Variants in MMP26 observed in about 807,000 individuals in gnomAD.
The protein encoded by MMP26 is matrix metalloproteinase-26.
In MMP26, 33 loss-of-function variants were observed where a neutral mutation model predicts 31.0. The ratio of observed to expected loss-of-function variants is 1.06; its 90% CI spans 0.81 to 1.42. The LOEUF is 1.42. Among genes scored for constraint, MMP26 ranks in the 40% most tolerant of loss-of-function variants. The pLI is 0.00. For missense variants in MMP26, 347 were observed against 316.1 expected, an observed-to-expected ratio of 1.10 and a Z score of -0.74; for synonymous variants, 122 against 114.9, an observed-to-expected ratio of 1.06 and a Z score of -0.40.
intron 2 of MMP26, among the ~76,000 whole-genome samples, chr11:4,956,392 C>T (rs1035015815): frequency 7.2e-5 from 11 of 152,170 alleles, no homozygotes; most frequent in African/African-American, 2.7e-4. Flanking sequence ...TACAGTAAAT[C>T]TACAGAGATA....
intron 2 of MMP26, chr11:4,907,286 C>A: frequency 3.3e-6 from 3 of 914,786 alleles, no homozygotes; most frequent in Non-Finnish European, 5.0e-6. Context: ...CTTATCCTCA[C>A]AAAACTGAGT....
At chr11:4,975,843 T>C (rs1399746156) in intron 2 of MMP26, among the ~76,000 whole-genome samples, 2 of 152,034 alleles carry the variant, frequency 1.3e-5, no homozygotes, top group African/African-American at 2.4e-5. Context: ...GGTATTGTTT[T>C]TGACATACAG....
At chr11:4,857,873 C>T (rs550946761) in intron 2 of MMP26, among the ~76,000 whole-genome samples, 14 of 152,234 alleles carry the variant, frequency 9.2e-5, no homozygotes, top group South Asian at 2.1e-4. Flanking sequence ...AAAGCTTATC[C>T]GCCACGATCA....
At chr11:4,946,937 G>A (rs774746554) in intron 2 of MMP26, 1 of 1,606,162 alleles carries the variant, frequency 6.2e-7, no homozygotes, top group Non-Finnish European at 8.5e-7. Context: ...ATGCAAGGAG[G>A]GCTCTGTCTT....
chr11:4,741,801 A>G (rs1848316099), intron 1 of MMP26, among the ~76,000 whole-genome samples: 1 of 152,164 alleles, frequency 6.6e-6, no homozygotes, highest in South Asian at 2.1e-4. Flanking sequence ...AACAACAACA[A>G]CAAACCAAAA....
At chr11:4,769,303 G>A (rs188896909) in intron 2 of MMP26, 6 of 1,612,948 alleles carry the variant, frequency 3.7e-6, no homozygotes, top group Non-Finnish European at 4.2e-6. Flanking sequence ...TGGTCAGGAT[G>A]AGATCAATTA....
chr11:4,739,458 T>C (rs1848284051), intron 1 of MMP26, among the ~76,000 whole-genome samples: 1 of 152,204 alleles, frequency 6.6e-6, no homozygotes, highest in Non-Finnish European at 1.5e-5. Flanking sequence ...GTGCTTTGAA[T>C]ATTAATGTTT....
chr11:4,957,118 G>T (rs1206273476), intron 2 of MMP26, among the ~76,000 whole-genome samples: 3 of 152,176 alleles, frequency 2.0e-5, no homozygotes, highest in Admixed American at 2.0e-4. Context: ...CACACTGTCA[G>T]GATGGTCAAG....
chr11:4,848,505 A>G, intron 2 of MMP26: 1 of 1,613,526 alleles, frequency 6.2e-7, no homozygotes, highest in Non-Finnish European at 8.5e-7. Context: ...TCTGGACTCC[A>G]CACCTTGCAA....
chr11:4,769,477 A>T (rs1848681643), intron 2 of MMP26: 1 of 1,613,238 alleles, frequency 6.2e-7, no homozygotes, highest in Admixed American at 1.7e-5. Context: ...TCATCAGAAG[A>T]CCCATTTGAA....
intron 2 of MMP26, among the ~76,000 whole-genome samples, chr11:4,960,967 G>T (rs1205593803): frequency 1.3e-5 from 2 of 152,124 alleles, no homozygotes; most frequent in Non-Finnish European, 1.5e-5. Flanking sequence ...ATGTATAAAT[G>T]CATGAAGCTA....
chr11:4,753,785 T>C (rs1732809873), intron 1 of MMP26, among the ~76,000 whole-genome samples: 2 of 152,104 alleles, frequency 1.3e-5, no homozygotes, highest in Admixed American at 1.3e-4. Context: ...TGCCTCATTA[T>C]ATATGTTTAA....
At chr11:4,991,090 C>T (rs774365821) in intron 5 of MMP26, among the ~76,000 whole-genome samples, 9 of 152,158 alleles carry the variant, frequency 5.9e-5, no homozygotes, top group Non-Finnish European at 1.3e-4. Context: ...TCCCTTTTCC[C>T]CTACCATTTT....
intron 2 of MMP26, among the ~76,000 whole-genome samples, chr11:4,828,283 G>C (rs554778555): frequency 6.6e-6 from 1 of 152,074 alleles, no homozygotes. Context: ...TTTTCTGGAA[G>C]TTTACCTCTA....
chr11:4,942,612 A>G (rs1416342880), intron 2 of MMP26, among the ~76,000 whole-genome samples: 1 of 152,016 alleles, frequency 6.6e-6, no homozygotes, highest in Non-Finnish European at 1.5e-5. Flanking sequence ...TTATTGAACT[A>G]TTTTTGCTTT....
chr11:4,958,853 C>G (rs945690225), intron 2 of MMP26, among the ~76,000 whole-genome samples: 13 of 152,174 alleles, frequency 8.5e-5, no homozygotes, highest in African/African-American at 3.1e-4. Context: ...AATAAACATA[C>G]CCACAACAAA....
chr11:4,741,505 G>C (rs557732243), intron 1 of MMP26, among the ~76,000 whole-genome samples: 45 of 152,218 alleles, frequency 3.0e-4, no homozygotes, highest in African/African-American at 1.1e-3. Flanking sequence ...GCAGGGACAT[G>C]GATGAAGCTG....
At chr11:4,962,218 A>G (rs1261172060) in intron 2 of MMP26, among the ~76,000 whole-genome samples, 1 of 152,148 alleles carries the variant, frequency 6.6e-6, no homozygotes, top group East Asian at 1.9e-4. Flanking sequence ...AGAATCACAT[A>G]TAAGCAGATA....
chr11:4,914,785 A>T (rs752018855), intron 2 of MMP26: 1 of 1,613,988 alleles, frequency 6.2e-7, no homozygotes, highest in East Asian at 2.2e-5. Flanking sequence ...AGACAATGGG[A>T]TTCATCACAG....
Sources: gnomAD v4.1 joint callset for allele counts (sites outside exome capture counted in the v4.1 genomes callset) on GRCh38, gnomAD v4.1.1 for gene constraint, MANE v1.5 for transcripts, NCBI Gene and HGNC (gene_info 2026-07-23, HGNC 2026-07-21) for gene names.